CEP44: variants seen among roughly 807,000 people sequenced by gnomAD.
CEP44 encodes the protein centrosomal protein of 44 kDa.
Under a neutral mutation model 46.7 loss-of-function variants are expected in CEP44, and 45 were observed. The ratio of observed to expected loss-of-function variants is 0.96; its 90% CI spans 0.76 to 1.24. CEP44 has a LOEUF of 1.24. CEP44 is among the 50% of genes most tolerant of loss of function. CEP44 has a pLI of 0.00. For missense variants in CEP44, 475 were observed against 459.7 expected, an observed-to-expected ratio of 1.03 and a Z score of -0.30; for synonymous variants, 142 against 146.0, an observed-to-expected ratio of 0.97 and a Z score of 0.20.
chr4:174,298,167 A>G (rs910437907), intron 2 of CEP44, 105 bp downstream of exon 2: 3 of 114,368 alleles, frequency 2.6e-5, no homozygotes, highest in Non-Finnish European at 5.4e-5. Context: ...GTGGGTATAT[A>G]TGATTTTTTT....
chr4:174,285,762 C>T lies in CEP44; in HGVS notation c.-148+1819C>T, dbSNP rs116807773. Among the ~76,000 whole-genome samples, 1,173 of 152,208 alleles carry T rather than the reference C, an allele frequency of 7.7e-3. 13 individuals are homozygous for T. The highest frequency in any genetic ancestry group is 0.026 in the African/African-American group (1,080 of 41,516). Reference sequence around the variant, plus strand: ...TCTGGAACCCGAAAGAAGCTCAGACCTACTATATTGGCCAGTGGCAAAATC... The same window carrying T: ...TCTGGAACCCGAAAGAAGCTCAGACTTACTATATTGGCCAGTGGCAAAATC... On this transcript the variant is annotated intron_variant, in intron 1 of 11. Transcript: ENST00000503780.
At chr4:174,299,245 T>G in intron 3 of CEP44, 35 bp downstream of exon 3, 1 of 1,526,908 alleles carries the variant, frequency 6.5e-7, no homozygotes, top group Non-Finnish European at 8.9e-7. Flanking sequence ...TGTATTCTTC[T>G]TGCTAGTGAT....
chr4:174,304,498 C>G (rs960710785), intron 6 of CEP44, 129 bp downstream of exon 6: 1 of 1,218,300 alleles, frequency 8.2e-7, no homozygotes, highest in Admixed American at 3.4e-5. Context: ...TGATTTTTAA[C>G]AGTGCATGCC....
In CEP44 at chr4:174,310,104, T is replaced by G. The variant is rs774236010; in HGVS notation, c.885+48T>G. 2 of 1,475,640 alleles carry G rather than the reference T, an allele frequency of 1.4e-6. No individual in the cohort carries two copies. The highest frequency in any genetic ancestry group is 1.3e-5 in the South Asian group (1 of 77,960). The allele number at this position is 1,475,640 out of a possible 1,614,324, so 91.4% of individuals were successfully genotyped here. A position where few individuals can be genotyped will look rare whatever the true frequency, so the allele number is the denominator to read the frequency against. Reference sequence around the variant, plus strand: ...ATAAAATATCTCAGATATAACAAAGTTTTTTTTTGATTGTTATATGTGTAT... The same window carrying G: ...ATAAAATATCTCAGATATAACAAAGGTTTTTTTTGATTGTTATATGTGTAT... On this transcript the variant is annotated intron_variant, in intron 8 of 11. Transcript: ENST00000503780. This position sits in a 1 kb window ranked among gnomAD's most constrained non-coding sequence, Gnocchi z 4.2.
chr4:174,319,617 A>G lies in CEP44; in HGVS notation c.*2234A>G, dbSNP rs1167215971. 3.0e-6 allele frequency: 2 copies of G among 658,890 alleles called. No homozygotes were observed. Among genetic ancestry groups the G allele is most frequent in the East Asian group, 1.3e-4 (1 of 7,428 alleles). 40.8% of individuals were successfully genotyped at this position (658,890 alleles called of 1,614,324 possible). A position where few individuals can be genotyped will look rare whatever the true frequency, so the allele number is the denominator to read the frequency against. On this transcript the variant is annotated 3_prime_UTR_variant, in exon 12 of 12. Coordinates refer to ENST00000503780, the MANE Select transcript of CEP44 (RefSeq NM_001040157.3). ...CTAGTTTATATACAGTGTGCAAAAT[A>G]TAAGTAAGTATATATTGAAAATATA...
At position 174,326,089 on chromosome 4, in the gene CEP44, T is replaced by A. The variant is rs1461025680; in HGVS notation, c.1087-5393T>A. ...ATGGATATGGTTCAAATCTACCACC[T>A]TCTTATATTTGTTTTCTGTTTTTAT... is the stretch of plus-strand genomic sequence containing the variant. On this transcript the variant is annotated intron_variant, in intron 8 of 8. Transcript: ENST00000426172. This position sits in a 1 kb window ranked among gnomAD's most constrained non-coding sequence, Gnocchi z 4.8. 1.3e-5 allele frequency among the ~76,000 whole-genome samples: 2 copies of A among 152,146 alleles called. No homozygotes were observed. The highest frequency in any genetic ancestry group is 6.6e-5 in the Admixed American group (1 of 15,260).
At chr4:174,327,410 C>T (rs547348698) in intron 8 of CEP44, among the ~76,000 whole-genome samples, 1 of 151,884 alleles carries the variant, frequency 6.6e-6, no homozygotes, top group South Asian at 2.1e-4. Flanking sequence ...CAAGTAATCT[C>T]AAAGTCTTGA....
chr4:174,292,971 A>G (rs1408485459), intron 1 of CEP44, among the ~76,000 whole-genome samples: 1 of 152,196 alleles, frequency 6.6e-6, no homozygotes, highest in Non-Finnish European at 1.5e-5. Flanking sequence ...TGGTGTCTGT[A>G]CATTTGAAGG....
Position 174,287,322 on chromosome 4 carries a change from G to A in CEP44, c.-148+3379G>A, listed in dbSNP as rs1471066194. Reference sequence around the variant, plus strand: ...ATAAGTACCAAGAAGGAAAAGAACTGGGTCTATTAGAGAAAATTAATGAGG... The same window carrying A: ...ATAAGTACCAAGAAGGAAAAGAACTAGGTCTATTAGAGAAAATTAATGAGG... On this transcript the variant is annotated intron_variant, in intron 1 of 11. Coordinates refer to ENST00000503780, the MANE Select transcript of CEP44 (RefSeq NM_001040157.3). The surrounding 1 kb of genome is among the most constrained non-coding windows in gnomAD (Gnocchi z 5.1). 6.6e-6 allele frequency among the ~76,000 whole-genome samples: 1 copy of A among 152,112 alleles called. No homozygotes were observed. Among genetic ancestry groups the A allele is most frequent in the Non-Finnish European group, 1.5e-5 (1 of 68,014 alleles).
rs1461193323 is a variant in CEP44 at position 174,310,416 on chromosome 4, AT to A, written c.885+361del. Among the ~76,000 whole-genome samples, 2 of 152,030 alleles carry A rather than the reference AT, an allele frequency of 1.3e-5. No homozygotes were observed. The highest frequency in any genetic ancestry group is 4.8e-5 in the African/African-American group (2 of 41,440). On this transcript the variant is annotated intron_variant, in intron 8 of 11. Coordinates refer to ENST00000503780, the MANE Select transcript of CEP44 (RefSeq NM_001040157.3). This position sits in a 1 kb window ranked among gnomAD's most constrained non-coding sequence, Gnocchi z 4.2. ...ATAGGGTAGAAAAGATACAGAAGAT[AT>A]AGGTAACTCTTCCCATCTTTTTTTC...
In CEP44 at chr4:174,309,476, A is replaced by G. The variant is rs988227799; in HGVS notation, c.679-374A>G. On this transcript the variant is annotated intron_variant, in intron 7 of 11. Transcript: ENST00000503780. The surrounding 1 kb of genome is among the most constrained non-coding windows in gnomAD (Gnocchi z 5.3). The stretch of plus-strand genomic sequence containing the variant: ...ATGGCAAACCGAACAATCTCAATGC[A>G]CTAAGTGTTGTTTTTGGTCATTTCC... Among the ~76,000 whole-genome samples, 6 of 152,026 alleles carry G rather than the reference A, an allele frequency of 3.9e-5. No individual in the cohort carries two copies. Among genetic ancestry groups the G allele is most frequent in the African/African-American group, 1.4e-4 (6 of 41,422 alleles).
rs1579053898 is a variant in CEP44, at chr4:174,286,079, C to G, written c.-148+2136C>G. Among the ~76,000 whole-genome samples, 2 of 152,170 alleles carry G rather than the reference C, an allele frequency of 1.3e-5. No homozygotes were observed. Among genetic ancestry groups the G allele is most frequent in the East Asian group, 1.9e-4 (1 of 5,200 alleles). On this transcript the variant is annotated intron_variant, in intron 1 of 11. Transcript: ENST00000503780. This position sits in a 1 kb window ranked among gnomAD's most constrained non-coding sequence, Gnocchi z 5.2. Reference sequence around the variant, plus strand: ...TAATTTATTGGCTGAAAAATAGTGACTAAAATGTGCATGCACAAGTCTATA... The same window carrying G: ...TAATTTATTGGCTGAAAAATAGTGAGTAAAATGTGCATGCACAAGTCTATA...
exon 9 of CEP44, chr4:174,333,246 A>G (rs1376751184): frequency 1.3e-5 from 2 of 149,648 alleles, no homozygotes; most frequent in East Asian, 2.0e-4. Context: ...TTTTCTTTAT[A>G]TGATTCAATT....
rs1282513581 is a variant in CEP44, at chr4:174,309,286, A to T, written c.678+427A>T. On this transcript the variant is annotated intron_variant, in intron 7 of 11. Transcript: ENST00000503780. This position sits in a 1 kb window ranked among gnomAD's most constrained non-coding sequence, Gnocchi z 5.3. ...TCTCTCTTAAAAAACCATTTCTATT[A>T]CTCTTAATTGCCACAGACCCCAATA... 1.3e-5 allele frequency among the ~76,000 whole-genome samples: 2 copies of T among 151,460 alleles called. No individual in the cohort carries two copies. The highest frequency in any genetic ancestry group is 2.9e-5 in the Non-Finnish European group (2 of 67,848).
At chr4:174,298,437 A>G (rs1378737288) in intron 2 of CEP44, among the ~76,000 whole-genome samples, 1 of 152,018 alleles carries the variant, frequency 6.6e-6, no homozygotes, top group African/African-American at 2.4e-5. Flanking sequence ...GGCCTCCCAA[A>G]GTGCTGGGAT....
At chr4:174,300,392 C>T (rs571906747) in intron 3 of CEP44, among the ~76,000 whole-genome samples, 1 of 152,172 alleles carries the variant, frequency 6.6e-6, no homozygotes, top group East Asian at 1.9e-4. Flanking sequence ...CATGAAAATC[C>T]TGACCATCCA....
In CEP44 at chr4:174,304,365, G is replaced by T; in HGVS notation, c.503G>T (p.Gly168Val). The change falls in exon 6 of 12, where the codon GGA becomes GTA. Residue 168 changes from glycine to valine, a missense_variant. Gly to Val is a moderately radical substitution (Grantham distance 109). Transcript: ENST00000503780. ...ATCAGTGGCAGGTTTATGACCTCAG[G>T]AAAGGTATGCAACCACAAAGAAAAT... ...VDISGRFMTS[G>V]KKKAVVIRHL... 1 of 1,606,972 alleles carries T rather than the reference G, an allele frequency of 6.2e-7. No individual in the cohort carries two copies. The highest frequency in any genetic ancestry group is 1.3e-5 in the African/African-American group (1 of 74,524).
At chr4:174,302,963 T>C (rs550731653) in intron 4 of CEP44, among the ~76,000 whole-genome samples, 2 of 152,098 alleles carry the variant, frequency 1.3e-5, no homozygotes, top group African/African-American at 4.8e-5. Flanking sequence ...TTTTGTATTT[T>C]AGTAGAGAGG....
intron 1 of CEP44, among the ~76,000 whole-genome samples, chr4:174,291,787 C>CTTTTTTTTTTT (rs56201469): frequency 2.9e-3 from 136 of 46,386 alleles, no homozygotes; most frequent in South Asian, 3.9e-3. Context: ...TTTTTCTTTT[C>CTTTTTTTTTTT]TTTTTTTTTT....
Sources: allele counts gnomAD v4.1 joint callset (sites outside exome capture counted in the v4.1 genomes callset), GRCh38; gene constraint gnomAD v4.1.1; non-coding constraint Gnocchi (gnomAD v3.1); transcripts MANE v1.5; gene names NCBI Gene and HGNC (gene_info 2026-07-23, HGNC 2026-07-21).